The following CFAP46 variants were observed in gnomAD, a reference collection of about 807,000 sequenced individuals.
The protein encoded by CFAP46 is cilia- and flagella-associated protein 46.
CFAP46 carries 245 observed loss-of-function variants against 325.7 expected under a neutral mutation model. The ratio of observed to expected loss-of-function variants is 0.75; its 90% confidence interval spans 0.68 to 0.84. The LOEUF is 0.84. CFAP46 is among the 40% of genes least tolerant of loss of function. CFAP46 has a pLI of 0.00. For missense variants in CFAP46, 3,346 were observed against 3,543.0 expected (o/e 0.94, Z 1.41); for synonymous variants, 1,523 against 1,495.9 (o/e 1.02, Z -0.42).
At chr10:132,892,526 C>T (rs987117188) in intron 24 of CFAP46, 109 bp from the exon 25 acceptor site, 1 of 948,486 alleles carries the variant, frequency 1.1e-6, no homozygotes, top group East Asian at 2.7e-5. Context: ...CCTTAAACTG[C>T]TTGCTATTGC....
At chr10:132,834,338 G>A (rs1195404359) in intron 48 of CFAP46, among the ~76,000 whole-genome samples, 2 of 152,194 alleles carry the variant, frequency 1.3e-5, no homozygotes, top group Admixed American at 6.5e-5. Flanking sequence ...GGTGCCAGGT[G>A]TCCGTCCCCT....
At position 132,889,366 on chromosome 10, in the gene CFAP46, G is replaced by A. The variant is rs1849223861; in HGVS notation, c.3304+2967C>T. On this transcript the variant is annotated intron_variant, in intron 25 of 57. Transcript: ENST00000368586. This position sits in a 1 kb window ranked among gnomAD's most constrained non-coding sequence, Gnocchi z 6.0. ...GCTGGAAGGAAGGCACCCATGGCTAGGAGGGCGGCACCCCATTGGATGCTG... is the reference window on the plus strand; with the variant it reads ...GCTGGAAGGAAGGCACCCATGGCTAAGAGGGCGGCACCCCATTGGATGCTG... 6.6e-6 allele frequency among the ~76,000 whole-genome samples: 1 copy of A among 152,216 alleles called. No individual in the cohort carries two copies. Among genetic ancestry groups the A allele is most frequent in the African/African-American group, 2.4e-5 (1 of 41,458 alleles).
intron 45 of CFAP46, 32 bp downstream of exon 45, chr10:132,836,785 G>A: frequency 2.5e-6 from 4 of 1,578,046 alleles, no homozygotes; most frequent in Non-Finnish European, 2.6e-6. Flanking sequence ...CAGCGGGCTG[G>A]GGGCGGCCTC....
intron 29 of CFAP46, 111 bp from the exon 30 acceptor site, chr10:132,878,198 T>C: frequency 2.1e-6 from 2 of 973,676 alleles, no homozygotes; most frequent in South Asian, 3.0e-5. Flanking sequence ...CTCCCCAGAC[T>C]CTAGTGCTCT....
At chr10:132,916,493 G>GAC in intron 17 of CFAP46, 56 bp downstream of exon 17, 1 of 1,509,414 alleles carries the variant, frequency 6.6e-7, no homozygotes, top group South Asian at 1.3e-5. Flanking sequence ...GAGTGCAGGG[G>GAC]ACACTCTGAC....
intron 46 of CFAP46, among the ~76,000 whole-genome samples, chr10:132,835,714 T>G (rs1302914858): frequency 6.6e-6 from 1 of 151,966 alleles, no homozygotes; most frequent in East Asian, 1.9e-4. Flanking sequence ...TCCATCCCTG[T>G]GGGTGGAGGG....
chr10:132,816,531 C>T (rs1445508593), intron 50 of CFAP46, among the ~76,000 whole-genome samples: 1 of 151,990 alleles, frequency 6.6e-6, no homozygotes, highest in East Asian at 1.9e-4. Flanking sequence ...TGGGGTTTCA[C>T]CGTGTTAGCC....
In CFAP46 at chr10:132,850,224, A is replaced by G; in HGVS notation, c.5952+20T>C. 1.3e-6 allele frequency: 2 copies of G among 1,549,910 alleles called. No individual in the cohort carries two copies. The highest frequency in any genetic ancestry group is 2.4e-5 in the South Asian group (2 of 83,946). On this transcript the variant is annotated intron_variant, in intron 41 of 57. Transcript: ENST00000368586. ...GACTGGTGTTGGAGCCAGACTTGGG[A>G]TAGAAGCAGGAGCACCTACCGAGGG... is the stretch of plus-strand genomic sequence containing the variant.
At position 132,869,632 on chromosome 10, in the gene CFAP46, C is replaced by T. The variant is rs1848869227; in HGVS notation, c.4512-260G>A. On this transcript the variant is annotated intron_variant, in intron 32 of 57. Transcript: ENST00000368586. The surrounding 1 kb of genome is among the most constrained non-coding windows in gnomAD (Gnocchi z 6.2). ...TATCTGTTGCCTCCTGGACGCCGTC[C>T]GAGGAGAAGAGGAGGCCCTCAGGTG... Among the ~76,000 whole-genome samples the T allele has an allele frequency of 6.6e-6, 1 of 152,144 alleles. No individual in the cohort carries two copies. The highest frequency in any genetic ancestry group is 2.4e-5 in the African/African-American group (1 of 41,410).
chr10:132,863,857 CA>C (rs1275113662), intron 35 of CFAP46, among the ~76,000 whole-genome samples: 2 of 141,986 alleles, frequency 1.4e-5, no homozygotes, highest in Non-Finnish European at 3.0e-5. Flanking sequence ...TCCCTGCTAT[CA>C]GAGACCTGCA....
At chr10:132,825,174 G>C (rs1848021517) in intron 50 of CFAP46, among the ~76,000 whole-genome samples, 13 of 146,676 alleles carry the variant, frequency 8.9e-5, no homozygotes, top group Admixed American at 8.2e-4. Flanking sequence ...GATGTGTGCT[G>C]TGTGTGTGCT....
intron 50 of CFAP46, among the ~76,000 whole-genome samples, chr10:132,825,190 CTGTGT>C (rs1564768461): frequency 3.2e-5 from 4 of 123,342 alleles, no homozygotes; most frequent in East Asian, 5.0e-4. Context: ...GTGCTGTGTG[CTGTGT>C]GCGCTGTGTG....
chr10:132,920,011 A>G, intron 14 of CFAP46, 48 bp downstream of exon 14: 2 of 1,449,440 alleles, frequency 1.4e-6, no homozygotes, highest in Non-Finnish European at 1.8e-6. Context: ...GGGCTGAGCG[A>G]CCCCCGGGCT....
Position 132,937,695 on chromosome 10 carries a change from C to T in CFAP46, c.537-20G>A, listed in dbSNP as rs368160227. On this transcript the variant is annotated intron_variant, in intron 5 of 57. Coordinates refer to ENST00000368586, the MANE Select transcript of CFAP46 (RefSeq NM_001200049.3). ...AGTTCCCTGGATAATAGAAACACAC[C>T]ACTGGTCAACCTGGTTGAAACTGTT... The T allele has an allele frequency of 4.0e-5, 64 of 1,589,038 alleles. No homozygotes were observed. Among genetic ancestry groups the T allele is most frequent in the Middle Eastern group, 1.7e-4 (1 of 5,978 alleles).
At chr10:132,924,319 C>T (rs927722701) in intron 11 of CFAP46, among the ~76,000 whole-genome samples, 1 of 152,154 alleles carries the variant, frequency 6.6e-6, no homozygotes, top group African/African-American at 2.4e-5. Flanking sequence ...TGAGGACACA[C>T]CGTGCTCCTC....
At position 132,819,186 on chromosome 10, in the gene CFAP46, A is replaced by C. The variant is rs191291709; in HGVS notation, c.7118-4272T>G. Among the ~76,000 whole-genome samples the C allele has an allele frequency of 2.1e-4, 32 of 152,368 alleles. No individual in the cohort carries two copies. The East Asian group carries it at 6.2e-3, about 29-fold the overall frequency. Reference sequence around the variant, plus strand: ...AGAACGAATAAAATACTTAGGAATAAATTCAACTATCAAGTGAGAGATCTG... The same window carrying C: ...AGAACGAATAAAATACTTAGGAATACATTCAACTATCAAGTGAGAGATCTG... On this transcript the variant is annotated intron_variant, in intron 50 of 57. Transcript: ENST00000368586.
chr10:132,892,634 T>C (rs1164386142), intron 24 of CFAP46, among the ~76,000 whole-genome samples: 1 of 152,232 alleles, frequency 6.6e-6, no homozygotes, highest in African/African-American at 2.4e-5. Context: ...CTTAAGTTAT[T>C]TTAATGTAAA....
chr10:132,826,196 C>G lies in CFAP46; in HGVS notation c.7117+7162G>C, dbSNP rs28498231. Among the ~76,000 whole-genome samples, 182 of 85,418 alleles carry G rather than the reference C, an allele frequency of 2.1e-3. 1 individual carries two copies. The highest frequency in any genetic ancestry group is 3.1e-3 in the Admixed American group (23 of 7,428). 56.0% of individuals were successfully genotyped at this position (85,418 alleles called of 152,430 possible). A position where few individuals can be genotyped will look rare whatever the true frequency, so the allele number is the denominator to read the frequency against. On this transcript the variant is annotated intron_variant, in intron 50 of 57. Transcript: ENST00000368586. ...CACGGAGACCAGCCACGGAGCCAGG[C>G]AGGAGCCGGAGCCACGGAGACCAGC... is the stretch of plus-strand genomic sequence containing the variant.
chr10:132,942,398 C>T, intron 1 of CFAP46, 38 bp downstream of exon 1: 1 of 1,361,454 alleles, frequency 7.3e-7, no homozygotes, highest in South Asian at 1.8e-5. Flanking sequence ...GGTCCCGGGG[C>T]CTCCCCGGGG....
Sources: allele counts gnomAD v4.1 joint callset (sites outside exome capture counted in the v4.1 genomes callset), GRCh38; gene constraint gnomAD v4.1.1; non-coding constraint Gnocchi (gnomAD v3.1); transcripts MANE v1.5; gene names NCBI Gene and HGNC (gene_info 2026-07-23, HGNC 2026-07-21).